PTPN1: variants seen among roughly 807,000 people sequenced by gnomAD.
PTPN1 encodes the protein protein tyrosine phosphatase non-receptor type 1.
A neutral mutation model predicts 59.9 loss-of-function variants in PTPN1; 12 were observed. The observed-to-expected ratio is 0.20, with a 90% CI of 0.13 to 0.32. The LOEUF (loss-of-function observed/expected upper bound fraction) is 0.32, where lower values mean the gene tolerates loss of function less well. Ranked by LOEUF, PTPN1 falls within the 10% of genes least tolerant of loss-of-function variation. The pLI, the probability that PTPN1 is intolerant of heterozygous loss-of-function variation, is 1.00. For missense variants in PTPN1, 356 were observed against 549.2 expected (o/e 0.65, Z 3.52); for synonymous variants, 178 against 203.6 (o/e 0.87, Z 1.07).
intron 1 of PTPN1, among the ~76,000 whole-genome samples, chr20:50,549,877 C>T (rs1054212612): frequency 5.3e-5 from 8 of 151,920 alleles, no homozygotes; most frequent in Admixed American, 2.6e-4. Context: ...TATATCGTTT[C>T]ATTAACTTTC....
chr20:50,563,743 G>C (rs565416499), intron 2 of PTPN1, among the ~76,000 whole-genome samples: 5 of 152,184 alleles, frequency 3.3e-5, no homozygotes, highest in African/African-American at 1.2e-4. Flanking sequence ...CTATTTATAG[G>C]TGATCACCTG....
At chr20:50,510,646 C>G (rs562990576) in intron 1 of PTPN1, 56 bp downstream of exon 1, 2 of 1,519,288 alleles carry the variant, frequency 1.3e-6, no homozygotes, top group African/African-American at 1.4e-5. Context: ...TTGAACATCC[C>G]CTCAGACCTC....
intron 1 of PTPN1, among the ~76,000 whole-genome samples, chr20:50,520,891 A>G (rs1307765266): frequency 6.6e-6 from 1 of 152,196 alleles, no homozygotes; most frequent in Non-Finnish European, 1.5e-5. Flanking sequence ...ACTAGACTAG[A>G]CAGCCATATA....
intron 3 of PTPN1, among the ~76,000 whole-genome samples, chr20:50,566,179 G>A (rs1264469115): frequency 6.6e-6 from 1 of 152,164 alleles, no homozygotes; most frequent in Non-Finnish European, 1.5e-5. Flanking sequence ...GGAGGCTGAT[G>A]GGGGAGGGGG....
At chr20:50,520,799 TG>T (rs1462347497) in intron 1 of PTPN1, among the ~76,000 whole-genome samples, 3 of 152,142 alleles carry the variant, frequency 2.0e-5, no homozygotes, top group Non-Finnish European at 4.4e-5. Flanking sequence ...GAAGAAGACT[TG>T]GGTTTGGGTT....
In PTPN1 at chr20:50,579,808, T is replaced by C. The variant is rs762671904; in HGVS notation, c.970T>C (p.Cys324Arg). Residue 324 changes from cysteine to arginine, a missense_variant, in exon 8 of 10, where the codon TGC becomes CGC. Physicochemically the swap from Cys to Arg is radical, Grantham distance 180 (BLOSUM62 -3). This residue lies in a region of PTPN1 where 100 missense variants were observed against 107.7 expected (regional missense o/e 0.93). Coordinates refer to ENST00000371621, the MANE Select transcript of PTPN1 (RefSeq NM_002827.4). ...AATCCTGGAGCCACACAATGGGAAA[T>C]GCAGGGAGTTCTTCCCAAATCACCA... ...KRILEPHNGK[C>R]REFFPNHQWV... The C allele has an allele frequency of 2.9e-5, 47 of 1,613,372 alleles. No homozygotes were observed. In the East Asian group the frequency reaches 4.5e-4, roughly 15 times the overall value.
chr20:50,530,646 A>T (rs981432930), intron 1 of PTPN1, among the ~76,000 whole-genome samples: 9 of 149,948 alleles, frequency 6.0e-5, no homozygotes, highest in African/African-American at 2.3e-4. Flanking sequence ...TGCTGGGATT[A>T]CAAGTGCTGG....
In PTPN1 at chr20:50,582,062, A is replaced by G. The variant is rs1243888032; in HGVS notation, c.1284+602A>G. On this transcript the variant is annotated intron_variant, in intron 9 of 9. Transcript: ENST00000371621. This position sits in a 1 kb window ranked among gnomAD's most constrained non-coding sequence, Gnocchi z 4.2. ...GACAGGGTCTTTGAGCTTTCCCACT[A>G]TAAGAAGAACAGCAACAAAAGGCCG... Among the ~76,000 whole-genome samples the G allele has an allele frequency of 6.6e-6, 1 of 152,184 alleles. No individual in the cohort carries two copies. Among genetic ancestry groups the G allele is most frequent in the Non-Finnish European group, 1.5e-5 (1 of 68,012 alleles).
At chr20:50,548,860 G>A (rs977102542) in intron 1 of PTPN1, among the ~76,000 whole-genome samples, 2 of 152,126 alleles carry the variant, frequency 1.3e-5, no homozygotes, top group African/African-American at 4.8e-5. Flanking sequence ...TGGGGTTACA[G>A]TTGCGTGCCA....
rs889348215 is a variant in PTPN1 at position 50,583,408 on chromosome 20, A to G, written c.*693A>G. ...TGAACACGTGGGTATTTAATAAGAA[A>G]CATGATGTGAGATTACTTTGTCCCG... On this transcript the variant is annotated 3_prime_UTR_variant, in exon 10 of 10. Transcript: ENST00000371621. 4 of 152,286 alleles carry G rather than the reference A, an allele frequency of 2.6e-5. No individual in the cohort carries two copies. The highest frequency in any genetic ancestry group is 5.9e-5 in the Non-Finnish European group (4 of 68,078). The allele number at this position is 152,286 out of a possible 1,614,324, so 9.4% of individuals were successfully genotyped here.
intron 1 of PTPN1, among the ~76,000 whole-genome samples, chr20:50,517,729 A>G (rs563049466): frequency 6.6e-6 from 1 of 152,266 alleles, no homozygotes; most frequent in African/African-American, 2.4e-5. Flanking sequence ...AGGGACACTT[A>G]AGGTCTGCAT....
intron 1 of PTPN1, among the ~76,000 whole-genome samples, chr20:50,556,279 C>T (rs927591353): frequency 6.6e-6 from 1 of 152,056 alleles, no homozygotes; most frequent in Non-Finnish European, 1.5e-5. Context: ...GATTCAATCT[C>T]CTGGGCTCAA....
At chr20:50,535,743 C>T (rs1373231612) in intron 1 of PTPN1, among the ~76,000 whole-genome samples, 2 of 152,092 alleles carry the variant, frequency 1.3e-5, no homozygotes, top group African/African-American at 4.8e-5. Flanking sequence ...AGAATGTGAA[C>T]CCTATAGGAA....
At chr20:50,578,806 G>C (rs1321335524) in intron 6 of PTPN1, among the ~76,000 whole-genome samples, 177 bp downstream of exon 6, 2 of 152,236 alleles carry the variant, frequency 1.3e-5, no homozygotes, top group Admixed American at 1.3e-4. Flanking sequence ...AAAGAAAAGA[G>C]GTTTAACTGG....
At chr20:50,531,692 G>C (rs1408394471) in intron 1 of PTPN1, among the ~76,000 whole-genome samples, 1 of 152,154 alleles carries the variant, frequency 6.6e-6, no homozygotes, top group Non-Finnish European at 1.5e-5. Flanking sequence ...TCTTATAGAA[G>C]CTGTCGTGGA....
At chr20:50,518,452 A>G (rs1468594463) in intron 1 of PTPN1, among the ~76,000 whole-genome samples, 1 of 152,196 alleles carries the variant, frequency 6.6e-6, no homozygotes, top group African/African-American at 2.4e-5. Flanking sequence ...CTACTGTTTC[A>G]CTTTTCAAAT....
chr20:50,551,522 C>T (rs1455991339), intron 1 of PTPN1, among the ~76,000 whole-genome samples: 1 of 152,214 alleles, frequency 6.6e-6, no homozygotes, highest in African/African-American at 2.4e-5. Context: ...ACACCCAAGC[C>T]TGCTTCAGGA....
chr20:50,549,770 A>G (rs2082694317), intron 1 of PTPN1, among the ~76,000 whole-genome samples: 2 of 152,190 alleles, frequency 1.3e-5, no homozygotes, highest in Non-Finnish European at 2.9e-5. Flanking sequence ...AGTTTATCTT[A>G]GCATTTCATA....
At chr20:50,523,087 C>G (rs926192004) in intron 1 of PTPN1, among the ~76,000 whole-genome samples, 1 of 152,164 alleles carries the variant, frequency 6.6e-6, no homozygotes, top group East Asian at 1.9e-4. Context: ...TTTTTAGTCT[C>G]TATGCCTTAC....
Sources: allele counts gnomAD v4.1 joint callset (sites outside exome capture counted in the v4.1 genomes callset), GRCh38; gene constraint gnomAD v4.1.1; regional missense constraint gnomAD v4.1.1; non-coding constraint Gnocchi (gnomAD v3.1); transcripts MANE v1.5; gene names NCBI Gene and HGNC (gene_info 2026-07-23, HGNC 2026-07-21).